The following GUCY2C variants were observed in gnomAD, a reference collection of about 807,000 sequenced individuals.
GUCY2C encodes the protein guanylate cyclase 2C.
In GUCY2C, 118 loss-of-function variants were observed where a neutral mutation model predicts 131.1. That is an observed-to-expected ratio of 0.90 (90% confidence interval 0.78 to 1.05). The LOEUF (loss-of-function observed/expected upper bound fraction) is 1.05, where lower values mean the gene tolerates loss of function less well. Among genes scored for constraint, GUCY2C ranks in the 50% least tolerant of loss-of-function variants. The pLI is 0.00. For synonymous variants in GUCY2C, 452 were observed against 457.8 expected (o/e 0.99, Z 0.16); for missense variants, 1,161 against 1,304.4 (o/e 0.89, Z 1.69).
chr12:14,668,085 C>A (rs929361011), intron 10 of GUCY2C, among the ~76,000 whole-genome samples: 3 of 150,464 alleles, frequency 2.0e-5, no homozygotes, highest in Admixed American at 2.0e-4. Flanking sequence ...CTCACTGCAG[C>A]CCCAACTTAC....
At chr12:14,683,708 G>A (rs1215881783) in intron 3 of GUCY2C, among the ~76,000 whole-genome samples, 1 of 152,132 alleles carries the variant, frequency 6.6e-6, no homozygotes, top group Non-Finnish European at 1.5e-5. Context: ...TGCTTAGTAT[G>A]TATTTAACGA....
At chr12:14,634,392 C>G (rs1408463606) in intron 19 of GUCY2C, among the ~76,000 whole-genome samples, 4 of 152,150 alleles carry the variant, frequency 2.6e-5, no homozygotes, top group African/African-American at 9.7e-5. Flanking sequence ...TCAGGGCGTC[C>G]TACGCCTGGA....
At position 14,614,915 on chromosome 12, in the gene GUCY2C, A is replaced by T; in HGVS notation, c.2999T>A (p.Leu1000Gln). Residue 1000 changes from leucine to glutamine, a missense_variant, in exon 26 of 27, where the codon CTG becomes CAG. Transcript: ENST00000261170. ...KGRGNETTYW[L>Q]TGMKDQKFNL... ...GAATTTCTGGTCCTTCATCCCAGTC[A>T]GCCAGTAGGTAGTCTCATTTCCTCT... 1 of 1,583,892 alleles carries T rather than the reference A, an allele frequency of 6.3e-7. No homozygotes were observed.
intron 24 of GUCY2C, among the ~76,000 whole-genome samples, chr12:14,618,788 G>A (rs754081868): frequency 2.6e-5 from 4 of 152,056 alleles, no homozygotes; most frequent in African/African-American, 4.8e-5. Context: ...GTGACAGAAC[G>A]AGAGCCTGTC....
chr12:14,630,228 A>G (rs959777979), intron 19 of GUCY2C, among the ~76,000 whole-genome samples: 2 of 151,842 alleles, frequency 1.3e-5, no homozygotes, highest in Non-Finnish European at 2.9e-5. Flanking sequence ...TTGTCTGAAC[A>G]ATTCCCTGGG....
At chr12:14,671,834 CTTATG>C (rs1948118225) in intron 9 of GUCY2C, among the ~76,000 whole-genome samples, 1 of 152,122 alleles carries the variant, frequency 6.6e-6, no homozygotes, top group African/African-American at 2.4e-5. Flanking sequence ...TTGATGGGAT[CTTATG>C]TTAAGGTATT....
chr12:14,618,377 T>G (rs74981362), intron 24 of GUCY2C, among the ~76,000 whole-genome samples: 4,154 of 152,088 alleles, frequency 0.027, 115 homozygotes, highest in African/African-American at 0.073. Flanking sequence ...TAGCTGTGCA[T>G]GGTGGCATGC....
intron 15 of GUCY2C, among the ~76,000 whole-genome samples, chr12:14,650,956 C>G (rs1465463982): frequency 2.6e-5 from 4 of 152,046 alleles, no homozygotes; most frequent in African/African-American, 9.7e-5. Context: ...TGGACTTGCT[C>G]AGTCCAAATA....
At chr12:14,671,834 C>T (rs1948118156) in intron 9 of GUCY2C, among the ~76,000 whole-genome samples, 1 of 152,122 alleles carries the variant, frequency 6.6e-6, no homozygotes, top group African/African-American at 2.4e-5. Flanking sequence ...TTGATGGGAT[C>T]TTATGTTAAG....
chr12:14,686,294 G>A, intron 2 of GUCY2C, 69 bp from the exon 3 acceptor site: 1 of 1,114,526 alleles, frequency 9.0e-7, no homozygotes, highest in Middle Eastern at 2.0e-4. Flanking sequence ...GAAAGAAGTA[G>A]CAAGGGGAAG....
chr12:14,618,074 C>T (rs968576213), intron 24 of GUCY2C, among the ~76,000 whole-genome samples: 4 of 152,332 alleles, frequency 2.6e-5, no homozygotes, highest in Admixed American at 2.0e-4. Flanking sequence ...TTTCTCTCTT[C>T]TATATATTTC....
intron 5 of GUCY2C, among the ~76,000 whole-genome samples, chr12:14,680,219 T>C (rs1247245737): frequency 6.6e-6 from 1 of 152,176 alleles, no homozygotes; most frequent in Non-Finnish European, 1.5e-5. Flanking sequence ...CCTAAGCAAC[T>C]TGGGCTTTAT....
chr12:14,656,586 T>A lies in GUCY2C; in HGVS notation c.1396A>T (p.Lys466Ter), dbSNP rs1465005996. Residue 466 changes from lysine (K) to a stop codon, truncating the protein, a stop_gained, in exon 12 of 27, where the codon AAA becomes TAA. Coordinates refer to ENST00000261170, the MANE Select transcript of GUCY2C (RefSeq NM_004963.4). LOFTEE classifies it high-confidence loss of function. ...KYRKDYELRQKKWSHIPPENI... is the reference protein window; with the variant it reads ...KYRKDYELRQ Reference sequence around the variant, plus strand: ...TCAGGAGGAATGTGGGACCATTTTTTCTGACGAAGTTCATAATCTTTTCTA... The same window carrying A: ...TCAGGAGGAATGTGGGACCATTTTTACTGACGAAGTTCATAATCTTTTCTA... The A allele has an allele frequency of 1.9e-6, 3 of 1,591,224 alleles. No homozygotes were observed. The highest frequency in any genetic ancestry group is 2.6e-6 in the Non-Finnish European group (3 of 1,159,196).
At chr12:14,628,880 G>C in intron 19 of GUCY2C, 143 bp from the exon 20 acceptor site, 2 of 612,132 alleles carry the variant, frequency 3.3e-6, no homozygotes, top group Non-Finnish European at 5.9e-6. Context: ...GAGATCCCCA[G>C]CTCTCTGGTT....
At position 14,696,226 on chromosome 12, in the gene GUCY2C, T is replaced by C. The variant is rs751681985; in HGVS notation, c.217+6A>G. The stretch of plus-strand genomic sequence containing the variant: ...GTGGAGGAAGATTCTATTAACATTT[T>C]CTTACCAGCATTTTGCAGACGTCCT... On this transcript the variant is annotated splice_donor_region_variant and intron_variant, in intron 1 of 26. Coordinates refer to ENST00000261170, the MANE Select transcript of GUCY2C (RefSeq NM_004963.4). The C allele has an allele frequency of 8.7e-6, 14 of 1,608,884 alleles. No homozygotes were observed. In the East Asian group the frequency reaches 2.9e-4, roughly 33 times the overall value.
At chr12:14,669,435 G>A (rs888080243) in intron 10 of GUCY2C, among the ~76,000 whole-genome samples, 7 of 151,496 alleles carry the variant, frequency 4.6e-5, no homozygotes, top group Admixed American at 2.6e-4. Context: ...AGGCTGGTCT[G>A]AAACTTTTAG....
intron 10 of GUCY2C, among the ~76,000 whole-genome samples, chr12:14,666,329 C>T (rs1947979298): frequency 6.6e-6 from 1 of 152,250 alleles, no homozygotes; most frequent in South Asian, 2.1e-4. Context: ...TTTAGTACAG[C>T]TGCGGGCATT....
chr12:14,686,124 T>G (rs1308751377), intron 3 of GUCY2C, 37 bp downstream of exon 3: 1 of 1,266,554 alleles, frequency 7.9e-7, no homozygotes, highest in Admixed American at 1.7e-5. Flanking sequence ...AGTTGCAATA[T>G]CATGTCCTGA....
intron 21 of GUCY2C, among the ~76,000 whole-genome samples, chr12:14,622,469 G>A (rs969686937): frequency 9.2e-5 from 14 of 152,310 alleles, no homozygotes; most frequent in Non-Finnish European, 1.9e-4. Flanking sequence ...CACATAAATA[G>A]ATAACTTTAA....
Sources: gnomAD v4.1 joint callset for allele counts (sites outside exome capture counted in the v4.1 genomes callset) on GRCh38, gnomAD v4.1.1 for gene constraint, MANE v1.5 for transcripts, NCBI Gene and HGNC (gene_info 2026-07-23, HGNC 2026-07-21) for gene names.